Variants in TENM3 observed in about 807,000 individuals in gnomAD.
TENM3 encodes teneurin transmembrane protein 3, also known as teneurin-3.
Under a neutral mutation model 255.1 loss-of-function variants are expected in TENM3, and 63 were observed. That is an observed-to-expected ratio of 0.25 (90% confidence interval 0.20 to 0.30). TENM3 has a LOEUF of 0.30. Ranked by LOEUF, TENM3 falls within the 10% of genes least tolerant of loss-of-function variation. TENM3 has a pLI of 1.00. For missense variants in TENM3, 2,929 were observed against 3,461.1 expected, an observed-to-expected ratio of 0.85 and a Z score of 3.86; for synonymous variants, 1,306 against 1,322.3, an observed-to-expected ratio of 0.99 and a Z score of 0.27.
At chr4:182,227,341 A>G (rs963120748) in intron 1 of TENM3, among the ~76,000 whole-genome samples, 2 of 152,114 alleles carry the variant, frequency 1.3e-5, no homozygotes, top group Non-Finnish European at 2.9e-5. Context: ...ATGTAGCCAT[A>G]GGGTCCCTGT....
At chr4:181,914,748 C>T in the TENM3 span, among the ~76,000 whole-genome samples, 4 of 152,124 alleles carry the variant, frequency 2.6e-5, no homozygotes, top group Non-Finnish European at 5.9e-5. Flanking sequence ...CCGAAGAAGA[C>T]AGGATGAATG....
chr4:182,099,527 T>C, the TENM3 span, among the ~76,000 whole-genome samples: 165 of 152,234 alleles, frequency 1.1e-3, no homozygotes, highest in Admixed American at 3.3e-3. Context: ...TGAAAAAATA[T>C]AAAAGAAGAA....
intron 3 of TENM3, among the ~76,000 whole-genome samples, chr4:182,450,340 C>T (rs2151313828): frequency 6.6e-6 from 1 of 152,276 alleles, no homozygotes; most frequent in South Asian, 2.1e-4. Context: ...AACTAAGCCT[C>T]CCTCTCAGCC....
At chr4:182,634,780 AG>A (rs1435808889) in intron 5 of TENM3, among the ~76,000 whole-genome samples, 1 of 151,578 alleles carries the variant, frequency 6.6e-6, no homozygotes, top group Non-Finnish European at 1.5e-5. Flanking sequence ...AAAGGAGAAG[AG>A]TCCATGTTCT....
chr4:182,632,523 C>T (rs1278543232), intron 5 of TENM3, among the ~76,000 whole-genome samples: 1 of 152,164 alleles, frequency 6.6e-6, no homozygotes, highest in Non-Finnish European at 1.5e-5. Flanking sequence ...TGACTATCTT[C>T]TCATACATTT....
intron 3 of TENM3, among the ~76,000 whole-genome samples, chr4:182,473,590 G>A (rs1017312564): frequency 3.3e-5 from 5 of 152,044 alleles, no homozygotes; most frequent in African/African-American, 7.2e-5. Flanking sequence ...AGTGAATGGC[G>A]TGAACTAGGG....
intron 1 of TENM3, among the ~76,000 whole-genome samples, chr4:182,171,423 G>C (rs537637250): frequency 6.6e-6 from 1 of 152,038 alleles, no homozygotes; most frequent in Admixed American, 6.5e-5. Flanking sequence ...TCTCATTTCT[G>C]TTTTTAAAAA....
the TENM3 span, among the ~76,000 whole-genome samples, chr4:181,586,280 C>T: frequency 6.6e-6 from 1 of 152,136 alleles, no homozygotes; most frequent in African/African-American, 2.4e-5. Context: ...ACATCCTTAG[C>T]ATTTGAAGGA....
the TENM3 span, among the ~76,000 whole-genome samples, chr4:181,619,942 A>G: frequency 0.93 from 141,033 of 152,242 alleles, 65,621 homozygotes; most frequent in East Asian, 0.99. Flanking sequence ...TAACCTGGCA[A>G]TTGATTGGAG....
chr4:181,751,708 C>T, the TENM3 span, among the ~76,000 whole-genome samples: 3 of 152,266 alleles, frequency 2.0e-5, no homozygotes, highest in South Asian at 2.1e-4. Context: ...AAAAATCCTA[C>T]GGTTGTAGCC....
Position 182,801,271 on chromosome 4 carries a change from G to T in TENM3, c.*920G>T, listed in dbSNP as rs891233207. ...TATTTTTGTATTAGGTTGAAAAAAT[G>T]TGCAAGCTTCTATCACTAGATGGAT... On this transcript the variant is annotated 3_prime_UTR_variant, in exon 28 of 28. Transcript: ENST00000511685. The T allele has an allele frequency of 2.0e-5, 3 of 152,616 alleles. No individual in the cohort carries two copies. Among genetic ancestry groups the T allele is most frequent in the Admixed American group, 6.5e-5 (1 of 15,286 alleles). The allele number at this position is 152,616 out of a possible 1,614,324, so 9.5% of individuals were successfully genotyped here.
chr4:181,612,133 G>A, the TENM3 span, among the ~76,000 whole-genome samples: 2 of 152,132 alleles, frequency 1.3e-5, no homozygotes, highest in African/African-American at 4.8e-5. Flanking sequence ...CAGAGCCCCA[G>A]CCTCTCAGTG....
chr4:182,749,668 C>T (rs1762240246), intron 19 of TENM3, among the ~76,000 whole-genome samples: 2 of 152,084 alleles, frequency 1.3e-5, no homozygotes, highest in African/African-American at 2.4e-5. Flanking sequence ...AGGCAGCATG[C>T]CCAGATCATA....
chr4:182,467,550 A>T (rs1285558781), intron 3 of TENM3, among the ~76,000 whole-genome samples: 1 of 152,160 alleles, frequency 6.6e-6, no homozygotes, highest in East Asian at 1.9e-4. Flanking sequence ...CCTGGGATCT[A>T]AAGTGTTATG....
the TENM3 span, among the ~76,000 whole-genome samples, chr4:181,680,679 G>A: frequency 6.6e-6 from 1 of 152,084 alleles, no homozygotes; most frequent in Non-Finnish European, 1.5e-5. Context: ...CTAGGTTGGT[G>A]CTTTTTTTCT....
At chr4:181,845,617 A>G in the TENM3 span, among the ~76,000 whole-genome samples, 154 of 152,358 alleles carry the variant, frequency 1.0e-3, no homozygotes, top group Non-Finnish European at 1.7e-3. Context: ...GTGCAAGGGC[A>G]GGTATGGAGA....
At chr4:181,796,104 A>G in the TENM3 span, among the ~76,000 whole-genome samples, 2 of 152,214 alleles carry the variant, frequency 1.3e-5, no homozygotes, top group African/African-American at 4.8e-5. Context: ...TGGTTGTTGT[A>G]ATGGGCTGCA....
the TENM3 span, among the ~76,000 whole-genome samples, chr4:181,707,941 C>G: frequency 6.6e-6 from 1 of 151,930 alleles, no homozygotes; most frequent in Non-Finnish European, 1.5e-5. Context: ...CAGAAGTGAA[C>G]AAATACATAA....
the TENM3 span, among the ~76,000 whole-genome samples, chr4:182,043,592 A>C: frequency 4.6e-5 from 7 of 152,156 alleles, no homozygotes; most frequent in Non-Finnish European, 7.3e-5. Flanking sequence ...TGAAAAACCT[A>C]TCTCTCTGTC....
Sources: allele counts gnomAD v4.1 joint callset (sites outside exome capture counted in the v4.1 genomes callset), GRCh38; gene constraint gnomAD v4.1.1; transcripts MANE v1.5; gene names NCBI Gene and HGNC (gene_info 2026-07-23, HGNC 2026-07-21).